C11orf65: variants seen among roughly 807,000 people sequenced by gnomAD.
C11orf65 encodes protein MFI.
C11orf65 carries 38 observed loss-of-function variants against 35.3 expected under a neutral mutation model. The ratio of observed to expected loss-of-function variants is 1.08; its 90% CI spans 0.83 to 1.41. The LOEUF (loss-of-function observed/expected upper bound fraction) is 1.41, where lower values mean the gene tolerates loss of function less well. C11orf65 is among the 40% of genes most tolerant of loss of function. The pLI is 0.00. For synonymous variants in C11orf65, 105 were observed against 114.4 expected, an observed-to-expected ratio of 0.92 and a Z score of 0.53; for missense variants, 370 against 367.1, an observed-to-expected ratio of 1.01 and a Z score of -0.06.
chr11:108,442,436 C>G (rs2093170394), intron 2 of C11orf65, among the ~76,000 whole-genome samples: 1 of 152,150 alleles, frequency 6.6e-6, no homozygotes, highest in South Asian at 2.1e-4. Flanking sequence ...CCCAACCTAG[C>G]AAAACAGGCC....
chr11:108,314,123 G>GT (rs548493343), intron 6 of C11orf65, among the ~76,000 whole-genome samples: 55 of 150,616 alleles, frequency 3.7e-4, no homozygotes, highest in Admixed American at 6.0e-4. Context: ...CAGTTTTTTT[G>GT]TTTTTTTTTC....
chr11:108,427,709 G>A lies in C11orf65; in HGVS notation c.174+4037C>T, dbSNP rs1428525252. Among the ~76,000 whole-genome samples, 4 of 42,088 alleles carry A rather than the reference G, an allele frequency of 9.5e-5. No homozygotes were observed. In the East Asian group the frequency reaches 2.6e-3, roughly 27 times the overall value. The allele number at this position is 42,088 out of a possible 152,430, so 27.6% of individuals were successfully genotyped here. ...TGCACTCCAGCCTGGGCGACAGAGC[G>A]AAACTCCGCCTCAAAAAAAAAAAAA... On this transcript the variant is annotated intron_variant, in intron 3 of 8. Coordinates refer to ENST00000393084, the MANE Select transcript of C11orf65 (RefSeq NM_152587.5).
chr11:108,391,262 T>A (rs2092153307), intron 7 of C11orf65, among the ~76,000 whole-genome samples: 1 of 152,260 alleles, frequency 6.6e-6, no homozygotes, highest in Admixed American at 6.5e-5. Flanking sequence ...ATTGAACATT[T>A]TAAGCAGCTT....
At chr11:108,402,866 C>T (rs534235422) in intron 6 of C11orf65, among the ~76,000 whole-genome samples, 7 of 152,018 alleles carry the variant, frequency 4.6e-5, no homozygotes, top group African/African-American at 1.4e-4. Context: ...TTATTTCATT[C>T]GGCATTATTT....
intron 2 of C11orf65, among the ~76,000 whole-genome samples, chr11:108,442,170 G>A (rs182258767): frequency 1.2e-4 from 18 of 152,224 alleles, no homozygotes; most frequent in African/African-American, 4.3e-4. Flanking sequence ...AGAGAACTAG[G>A]TGATGCATGC....
chr11:108,445,053 G>A (rs1398153086), intron 2 of C11orf65, among the ~76,000 whole-genome samples: 1 of 152,220 alleles, frequency 6.6e-6, no homozygotes, highest in African/African-American at 2.4e-5. Flanking sequence ...AGCAAGGCTG[G>A]AGGAGGGGTG....
At chr11:108,451,586 T>G (rs2093348072) in intron 2 of C11orf65, among the ~76,000 whole-genome samples, 1 of 151,910 alleles carries the variant, frequency 6.6e-6, no homozygotes, top group South Asian at 2.1e-4. Flanking sequence ...CTGCCCAAGG[T>G]AATTTATAGA....
chr11:108,343,022 C>T (rs2087777480), intron 2 of C11orf65, among the ~76,000 whole-genome samples: 1 of 152,128 alleles, frequency 6.6e-6, no homozygotes, highest in Non-Finnish European at 1.5e-5. Flanking sequence ...AACATCTAGG[C>T]AGCAGGCTGG....
intron 2 of C11orf65, among the ~76,000 whole-genome samples, chr11:108,447,805 A>T (rs1481522382): frequency 2.0e-4 from 31 of 152,214 alleles, no homozygotes; most frequent in Admixed American, 3.9e-4. Context: ...TGAAGGAAAT[A>T]GAGACACAAA....
intron 6 of C11orf65, among the ~76,000 whole-genome samples, chr11:108,398,696 A>T (rs1241803753): frequency 6.6e-6 from 1 of 152,200 alleles, no homozygotes; most frequent in African/African-American, 2.4e-5. Context: ...AGCTGTTTCT[A>T]GGTGATGGCA....
intron 2 of C11orf65, among the ~76,000 whole-genome samples, chr11:108,375,156 G>A (rs555881172): frequency 2.6e-5 from 4 of 151,698 alleles, no homozygotes; most frequent in Non-Finnish European, 4.4e-5. Context: ...GATACTCCTC[G>A]AGAAGAGCAA....
intron 2 of C11orf65, among the ~76,000 whole-genome samples, chr11:108,354,058 TACACACACACAAACACACACACACAC>T (rs1258023294): frequency 3.0e-5 from 2 of 67,058 alleles, no homozygotes; most frequent in South Asian, 5.3e-4. Context: ...TCTAAAAAAA[TACACACACACAAACACACACACACAC>T]ACACACACAC....
chr11:108,384,421 A>G (rs2091940226), intron 8 of C11orf65, among the ~76,000 whole-genome samples: 1 of 152,158 alleles, frequency 6.6e-6, no homozygotes, highest in East Asian at 1.9e-4. Context: ...TGTGCTAGGT[A>G]CTACCGTTAT....
intron 3 of C11orf65, among the ~76,000 whole-genome samples, chr11:108,409,277 A>G (rs912487000): frequency 9.8e-5 from 15 of 152,320 alleles, no homozygotes; most frequent in African/African-American, 2.9e-4. Context: ...GTTTTGGGTT[A>G]AAATGAATAA....
At chr11:108,386,006 T>G (rs758243563) in intron 7 of C11orf65, 31 bp from the exon 8 acceptor site, 41 of 1,579,426 alleles carry the variant, frequency 2.6e-5, no homozygotes, top group Non-Finnish European at 3.4e-5. Flanking sequence ...TTCATTAAAT[T>G]TAATCGATTC....
chr11:108,446,459 G>C (rs2093260475), intron 2 of C11orf65, among the ~76,000 whole-genome samples: 2 of 151,710 alleles, frequency 1.3e-5, no homozygotes, highest in Admixed American at 6.6e-5. Flanking sequence ...CAAGCCAGAA[G>C]ACAGTGGGGG....
intron 2 of C11orf65, among the ~76,000 whole-genome samples, chr11:108,445,181 G>A (rs573837820): frequency 2.0e-5 from 3 of 152,304 alleles, no homozygotes; most frequent in Admixed American, 6.5e-5. Flanking sequence ...TCTGGGGGAA[G>A]GGCACAGACA....
At chr11:108,450,817 G>T (rs2093337942) in intron 2 of C11orf65, among the ~76,000 whole-genome samples, 1 of 151,728 alleles carries the variant, frequency 6.6e-6, no homozygotes, top group African/African-American at 2.4e-5. Flanking sequence ...CCATGATCAA[G>T]TCGGCTTCAT....
intron 6 of C11orf65, chr11:108,317,652 T>TATATATATATATATATATATAC (rs1399501257): frequency 2.6e-5 from 3 of 117,456 alleles, no homozygotes; most frequent in Non-Finnish European, 4.3e-5. Flanking sequence ...TATATATATA[T>TATATATATATATATATATATAC]ACACACACAC....
Sources: gnomAD v4.1 joint callset for allele counts (sites outside exome capture counted in the v4.1 genomes callset) on GRCh38, gnomAD v4.1.1 for gene constraint, MANE v1.5 for transcripts, NCBI Gene and HGNC (gene_info 2026-07-23, HGNC 2026-07-21) for gene names.